NBEA: variants seen among roughly 807,000 people sequenced by gnomAD.
The protein encoded by NBEA is neurobeachin.
NBEA carries 44 observed loss-of-function variants against 343.4 expected under a neutral mutation model. The observed-to-expected ratio is 0.13, with a 90% CI of 0.10 to 0.16. NBEA has a LOEUF of 0.16. Among genes scored for constraint, NBEA ranks in the 10% least tolerant of loss-of-function variants. The pLI is 1.00. For missense variants in NBEA, 2,555 were observed against 3,631.3 expected, an observed-to-expected ratio of 0.70 and a Z score of 7.62; for synonymous variants, 1,175 against 1,238.7, an observed-to-expected ratio of 0.95 and a Z score of 1.08.
At chr13:35,617,281 C>T (rs7334225) in intron 48 of NBEA, among the ~76,000 whole-genome samples, 34,158 of 152,006 alleles carry the variant, frequency 0.22, 4,041 homozygotes, top group Non-Finnish European at 0.24. Flanking sequence ...AACTTTATTC[C>T]ATGGAGCGAA....
chr13:35,608,020 C>T, intron 48 of NBEA, among the ~76,000 whole-genome samples: 1 of 152,136 alleles, frequency 6.6e-6, no homozygotes, highest in Non-Finnish European at 1.5e-5. Context: ...GATTTTCTGT[C>T]ACTTTTCTTT....
chr13:34,990,342 A>G (rs562864324), intron 1 of NBEA, among the ~76,000 whole-genome samples: 2 of 151,090 alleles, frequency 1.3e-5, no homozygotes, highest in African/African-American at 4.8e-5. Flanking sequence ...AGACATTTCT[A>G]TTCTCTGATA....
At position 35,253,713 on chromosome 13, in the gene NBEA, A is replaced by G. The variant is rs116952737; in HGVS notation, c.5776+21094A>G. Among the ~76,000 whole-genome samples, 1,197 of 152,290 alleles carry G rather than the reference A, an allele frequency of 7.9e-3. 9 individuals are homozygous for G. The highest frequency in any genetic ancestry group is 0.013 in the Non-Finnish European group (869 of 68,018). The stretch of plus-strand genomic sequence containing the variant: ...ATTATCTAGATTGTCTTTGTACTAC[A>G]TGGGAGAGTTGATTGGTTTCAGCAG... On this transcript the variant is annotated intron_variant, in intron 34 of 58. Transcript: ENST00000379939.
chr13:35,619,954 G>A (rs1044110118), intron 48 of NBEA, among the ~76,000 whole-genome samples: 5 of 152,142 alleles, frequency 3.3e-5, no homozygotes, highest in East Asian at 1.9e-4. Context: ...CGTTCATTCC[G>A]TAATTATGAA....
chr13:35,596,431 A>G (rs939853486), intron 47 of NBEA, among the ~76,000 whole-genome samples: 1 of 152,144 alleles, frequency 6.6e-6, no homozygotes, highest in African/African-American at 2.4e-5. Context: ...TATCTCTGCA[A>G]TGTCTACTAA....
chr13:35,494,354 G>C (rs565250326), intron 41 of NBEA, among the ~76,000 whole-genome samples: 1 of 152,108 alleles, frequency 6.6e-6, no homozygotes, highest in Non-Finnish European at 1.5e-5. Flanking sequence ...AAAAAGTCAA[G>C]TCTGCCTCAA....
chr13:35,453,575 G>A (rs908475863), intron 40 of NBEA, among the ~76,000 whole-genome samples: 3 of 152,146 alleles, frequency 2.0e-5, no homozygotes, highest in African/African-American at 4.8e-5. Context: ...AAAGAATACA[G>A]AAAATTCACA....
At chr13:35,326,611 A>G (rs896592395) in intron 36 of NBEA, among the ~76,000 whole-genome samples, 7 of 151,830 alleles carry the variant, frequency 4.6e-5, no homozygotes, top group African/African-American at 1.7e-4. Context: ...TTCTTTTTCT[A>G]TTTTGGTGCC....
rs563425596 is a variant in NBEA, at chr13:35,652,468, G to A, written c.8035+592G>A. ...ATCCTGGCTAACACGGTGAAACCCC[G>A]TCTCTACTAAAAATATAAAAAAATT... is the stretch of plus-strand genomic sequence containing the variant. On this transcript the variant is annotated intron_variant, in intron 53 of 58. Coordinates refer to ENST00000379939, the MANE Select transcript of NBEA (RefSeq NM_001385012.1). Among the ~76,000 whole-genome samples the A allele has an allele frequency of 3.0e-4, 46 of 151,182 alleles. No individual in the cohort carries two copies. In the South Asian group the frequency reaches 8.4e-3, roughly 28 times the overall value.
chr13:35,297,146 A>G (rs950441683), intron 35 of NBEA, among the ~76,000 whole-genome samples: 1 of 152,058 alleles, frequency 6.6e-6, no homozygotes, highest in African/African-American at 2.4e-5. Flanking sequence ...TTGTATGTAT[A>G]TGTAACTCAA....
At chr13:35,534,700 A>G (rs1312529641) in intron 41 of NBEA, among the ~76,000 whole-genome samples, 4 of 152,202 alleles carry the variant, frequency 2.6e-5, no homozygotes, top group African/African-American at 7.2e-5. Context: ...CATCCTATCA[A>G]TCTTACAGAT....
chr13:35,182,740 G>A (rs1019822683), intron 29 of NBEA, among the ~76,000 whole-genome samples: 7 of 151,658 alleles, frequency 4.6e-5, no homozygotes, highest in African/African-American at 1.7e-4. Context: ...TATCAGTATA[G>A]CTTTGGTTTC....
chr13:35,625,337 C>A (rs1395905648), intron 48 of NBEA, among the ~76,000 whole-genome samples: 1 of 152,122 alleles, frequency 6.6e-6, no homozygotes, highest in Non-Finnish European at 1.5e-5. Context: ...ATAAATCAGG[C>A]CAGGTGCAGT....
chr13:35,516,220 C>T (rs1383310660), intron 41 of NBEA, among the ~76,000 whole-genome samples: 1 of 152,124 alleles, frequency 6.6e-6, no homozygotes, highest in East Asian at 1.9e-4. Context: ...GTCTACATAG[C>T]AAGTTCCTAT....
At chr13:35,484,234 ATGTGTGTGTG>A (rs397851790) in intron 41 of NBEA, among the ~76,000 whole-genome samples, 7 of 124,816 alleles carry the variant, frequency 5.6e-5, no homozygotes, top group East Asian at 2.4e-4. Context: ...CTACATTAAT[ATGTGTGTGTG>A]TGTGTGTGTG....
intron 28 of NBEA, among the ~76,000 whole-genome samples, chr13:35,181,809 C>T (rs1262603808): frequency 6.6e-6 from 1 of 151,864 alleles, no homozygotes; most frequent in East Asian, 1.9e-4. Context: ...TTTTCTTATG[C>T]TGCCATAATC....
At chr13:35,552,318 G>A (rs1337092007) in intron 43 of NBEA, among the ~76,000 whole-genome samples, 3 of 152,136 alleles carry the variant, frequency 2.0e-5, no homozygotes, top group Non-Finnish European at 4.4e-5. Context: ...GGGTTACCTT[G>A]TATTGCAACT....
intron 1 of NBEA, among the ~76,000 whole-genome samples, chr13:34,944,330 G>A (rs2059124188): frequency 6.6e-6 from 1 of 152,208 alleles, no homozygotes; most frequent in Non-Finnish European, 1.5e-5. Flanking sequence ...GAAAGCTGCA[G>A]CTACATCAGT....
At chr13:35,350,136 A>G (rs1472602899) in intron 37 of NBEA, among the ~76,000 whole-genome samples, 1 of 152,146 alleles carries the variant, frequency 6.6e-6, no homozygotes, top group Non-Finnish European at 1.5e-5. Flanking sequence ...TCCCTGCAGG[A>G]TCAGTTTTGA....
Sources: gnomAD v4.1 joint callset for allele counts (sites outside exome capture counted in the v4.1 genomes callset) on GRCh38, gnomAD v4.1.1 for gene constraint, MANE v1.5 for transcripts, NCBI Gene and HGNC (gene_info 2026-07-23, HGNC 2026-07-21) for gene names.